The following GRK3 variants were observed in gnomAD, a reference collection of about 807,000 sequenced individuals.
The protein encoded by GRK3 is adrenergic, beta, receptor kinase 2.
A neutral mutation model predicts 95.7 loss-of-function variants in GRK3; 54 were observed. The ratio of observed to expected loss-of-function variants is 0.56; its 90% CI spans 0.45 to 0.71. The LOEUF (loss-of-function observed/expected upper bound fraction) is 0.71, where lower values mean the gene tolerates loss of function less well. Ranked by LOEUF, GRK3 falls within the 30% of genes least tolerant of loss-of-function variation. The probability of loss-of-function intolerance (pLI) is 0.00; values close to 1 mark genes in which losing one functional copy is unlikely to be tolerated. For missense variants in GRK3, 649 were observed against 851.2 expected (o/e 0.76, Z 2.96); for synonymous variants, 281 against 290.8 (o/e 0.97, Z 0.34).
At position 25,611,555 on chromosome 22, in the gene GRK3, G is replaced by A. The variant is rs894763769; in HGVS notation, c.190+7102G>A. Among the ~76,000 whole-genome samples, 18 of 152,096 alleles carry A rather than the reference G, an allele frequency of 1.2e-4. 1 individual carries two copies. The highest frequency in any genetic ancestry group is 3.6e-4 in the African/African-American group (15 of 41,404). ...GTATCTTGTTGTGGTCTTGATTTGT[G>A]ATTCTCCAGTAGTTAATGATATTAA... On this transcript the variant is annotated intron_variant, in intron 2 of 20. Transcript: ENST00000324198.
chr22:25,593,704 G>A (rs186703414), intron 1 of GRK3, among the ~76,000 whole-genome samples: 1 of 152,178 alleles, frequency 6.6e-6, no homozygotes, highest in East Asian at 1.9e-4. Flanking sequence ...GATTAATTGG[G>A]CCCTACTTGT....
At position 25,726,280 on chromosome 22, in the gene GRK3, T is replaced by G. The variant is rs1275365431; in HGVS notation, c.*3830T>G. On this transcript the variant is annotated 3_prime_UTR_variant, in exon 21 of 21. Coordinates refer to ENST00000324198, the MANE Select transcript of GRK3 (RefSeq NM_005160.4). The stretch of plus-strand genomic sequence containing the variant: ...ATTTTACTTTTCAGTGGAATTGATT[T>G]TTCTAATGTTTCAGAATTTTAACAT... The G allele has an allele frequency of 6.6e-6, 1 of 152,250 alleles. No homozygotes were observed. The highest frequency in any genetic ancestry group is 1.5e-5 in the Non-Finnish European group (1 of 68,042). 9.4% of individuals were successfully genotyped at this position (152,250 alleles called of 1,614,324 possible).
At chr22:25,720,260 G>A (rs1438913516) in intron 19 of GRK3, among the ~76,000 whole-genome samples, 1 of 152,030 alleles carries the variant, frequency 6.6e-6, no homozygotes, top group Admixed American at 6.6e-5. Context: ...GGTTTTAAAA[G>A]GTTCAACATT....
intron 2 of GRK3, 61 bp downstream of exon 2, chr22:25,604,514 T>A: frequency 8.4e-7 from 1 of 1,186,334 alleles, no homozygotes; most frequent in Non-Finnish European, 1.2e-6. Flanking sequence ...GGCGATACTA[T>A]AGTAATATAT....
At chr22:25,675,335 C>A (rs1569189629) in intron 8 of GRK3, among the ~76,000 whole-genome samples, 3 of 152,162 alleles carry the variant, frequency 2.0e-5, no homozygotes, top group Non-Finnish European at 4.4e-5. Flanking sequence ...CGATCATGGG[C>A]TCCATCACTC....
At chr22:25,717,537 G>A (rs2085396489) in intron 18 of GRK3, among the ~76,000 whole-genome samples, 1 of 152,198 alleles carries the variant, frequency 6.6e-6, no homozygotes, top group Admixed American at 6.5e-5. Flanking sequence ...TCTGGAACAT[G>A]CCCAGCACCT....
chr22:25,633,221 A>C (rs2084676836), intron 2 of GRK3, among the ~76,000 whole-genome samples: 3 of 152,074 alleles, frequency 2.0e-5, no homozygotes, highest in Admixed American at 2.0e-4. Context: ...CCGGCCTATA[A>C]TATATCTTGA....
rs56260834 is a variant in GRK3 at position 25,620,006 on chromosome 22, TTGTGTGTGTGTG to T, written c.190+15594_190+15605del. On this transcript the variant is annotated intron_variant, in intron 2 of 20. Coordinates refer to ENST00000324198, the MANE Select transcript of GRK3 (RefSeq NM_005160.4). ...TTACTCTTCCTTTCCTTTGTCTTTT[TTGTGTGTGTGTG>T]TGTGTGTGTGTGTGTGTGTGTGTGT... Among the ~76,000 whole-genome samples, 366 of 90,314 alleles carry T rather than the reference TTGTGTGTGTGTG, an allele frequency of 4.1e-3. 2 individuals carry two copies. The highest frequency in any genetic ancestry group is 5.2e-3 in the Non-Finnish European group (265 of 51,242). The allele number at this position is 90,314 out of a possible 152,430, so 59.2% of individuals were successfully genotyped here. A position where few individuals can be genotyped will look rare whatever the true frequency, so the allele number is the denominator to read the frequency against.
chr22:25,648,769 G>T (rs2084806440), intron 3 of GRK3: 1 of 1,162,190 alleles, frequency 8.6e-7, no homozygotes, highest in Admixed American at 1.7e-5. Context: ...TATATTAAAA[G>T]AATGAACTAT....
intron 2 of GRK3, among the ~76,000 whole-genome samples, chr22:25,628,541 T>G (rs938709160): frequency 1.3e-5 from 2 of 152,210 alleles, no homozygotes; most frequent in Non-Finnish European, 2.9e-5. Context: ...CTGACTGGTA[T>G]AGGAAGATCT....
chr22:25,714,328 C>T, intron 17 of GRK3, 80 bp from the exon 18 acceptor site: 1 of 1,215,430 alleles, frequency 8.2e-7, no homozygotes, highest in Non-Finnish European at 1.2e-6. Flanking sequence ...ATGATAGAGT[C>T]ACCATGGATG....
chr22:25,605,714 C>A (rs922509334), intron 2 of GRK3, among the ~76,000 whole-genome samples: 9 of 152,310 alleles, frequency 5.9e-5, no homozygotes, highest in Admixed American at 5.9e-4. Flanking sequence ...GAACTTGTAC[C>A]CATTAGCAGT....
intron 8 of GRK3, among the ~76,000 whole-genome samples, chr22:25,675,469 T>TA (rs2085020931): frequency 6.6e-6 from 1 of 152,122 alleles, no homozygotes; most frequent in East Asian, 1.9e-4. Flanking sequence ...TTTTTTTTTT[T>TA]AACAGAAGTG....
At chr22:25,629,101 A>T (rs928817408) in intron 2 of GRK3, among the ~76,000 whole-genome samples, 1 of 152,202 alleles carries the variant, frequency 6.6e-6, no homozygotes, top group African/African-American at 2.4e-5. Context: ...ATAAAGCCAG[A>T]TCATGCTCTG....
chr22:25,721,346 A>G lies in GRK3; in HGVS notation c.1854A>G (p.Lys618=), dbSNP rs2085430967. The G allele has an allele frequency of 5.0e-6, 8 of 1,607,758 alleles. No individual in the cohort carries two copies. Among genetic ancestry groups the G allele is most frequent in the African/African-American group, 1.3e-5 (1 of 74,710 alleles). The change falls in exon 20 of 21, where the codon AAA becomes AAG. Residue 618 remains lysine, a synonymous_variant. Transcript: ENST00000324198. Reference sequence around the variant, plus strand: ...AAGAAACTCAAATTAAAGACAAAAAATGCATTTTGTTCAGAATAAAAGGAG... The same window carrying G: ...AAGAAACTCAAATTAAAGACAAAAAGTGCATTTTGTTCAGAATAAAAGGAG... ...SVEETQIKDK[K]CILFRIKGGK... is the part of the protein sequence containing the mutation.
At chr22:25,566,908 G>A (rs991922898) in intron 1 of GRK3, among the ~76,000 whole-genome samples, 9 of 135,588 alleles carry the variant, frequency 6.6e-5, no homozygotes, top group African/African-American at 2.6e-4. Flanking sequence ...TTTTTTTTTT[G>A]GGGGGGGCTA....
intron 1 of GRK3, among the ~76,000 whole-genome samples, chr22:25,579,347 A>G (rs1333886771): frequency 1.3e-5 from 2 of 151,246 alleles, no homozygotes; most frequent in African/African-American, 2.4e-5. Flanking sequence ...GGGTTTCGCC[A>G]TGTTGCCAAG....
At chr22:25,621,250 T>TA (rs1413133918) in intron 2 of GRK3, among the ~76,000 whole-genome samples, 1 of 152,252 alleles carries the variant, frequency 6.6e-6, no homozygotes, top group Non-Finnish European at 1.5e-5. Context: ...CTTGCCAACA[T>TA]ATAGAATTCC....
chr22:25,649,514 G>A (rs2084812624), intron 3 of GRK3, among the ~76,000 whole-genome samples: 1 of 152,142 alleles, frequency 6.6e-6, no homozygotes, highest in Non-Finnish European at 1.5e-5. Context: ...AGGACAGTGA[G>A]GCTACTGCTT....
Sources: gnomAD v4.1 joint callset for allele counts (sites outside exome capture counted in the v4.1 genomes callset) on GRCh38, gnomAD v4.1.1 for gene constraint, MANE v1.5 for transcripts, NCBI Gene and HGNC (gene_info 2026-07-23, HGNC 2026-07-21) for gene names.